PCDH11X: variants seen among roughly 807,000 people sequenced by gnomAD.
The protein encoded by PCDH11X is protocadherin-11 X-linked.
A neutral mutation model predicts 53.3 loss-of-function variants in PCDH11X; 18 were observed. The ratio of observed to expected loss-of-function variants is 0.34; its 90% CI spans 0.23 to 0.50. The LOEUF is 0.50. Ranked by LOEUF, PCDH11X falls within the 20% of genes least tolerant of loss-of-function variation. The probability of loss-of-function intolerance (pLI) is 0.98; values close to 1 mark genes in which losing one functional copy is unlikely to be tolerated. For missense variants in PCDH11X, 570 were observed against 1,032.4 expected (o/e 0.55, Z 6.14); for synonymous variants, 279 against 393.3 (o/e 0.71, Z 3.44).
chrX:91,862,356 A>G (rs1446042365), intron 5 of PCDH11X, among the ~76,000 whole-genome samples: 1 of 94,983 alleles, frequency 1.1e-5, no homozygotes, highest in African/African-American at 3.8e-5. Flanking sequence ...GAATTTCTCT[A>G]TTTTCTTCTA....
At chrX:91,966,776 G>C (rs188791618) in intron 6 of PCDH11X, among the ~76,000 whole-genome samples, 1 of 111,239 alleles carries the variant, frequency 9.0e-6, no homozygotes, top group Non-Finnish European at 1.9e-5. Flanking sequence ...AAAAAGAATA[G>C]TTTGTTGGGT....
chrX:92,350,890 A>T (rs1247855285), intron 8 of PCDH11X, among the ~76,000 whole-genome samples: 3 of 111,404 alleles, frequency 2.7e-5, no homozygotes, highest in Non-Finnish European at 5.6e-5. Flanking sequence ...AAACACATTT[A>T]TTTCACCCAC....
intron 9 of PCDH11X, among the ~76,000 whole-genome samples, chrX:92,391,664 A>AT (rs1332508844): frequency 1.8e-5 from 2 of 111,266 alleles, no homozygotes; most frequent in African/African-American, 3.2e-5. Context: ...AACTTCTGAG[A>AT]TTTTTTAATA....
chrX:92,007,507 T>C (rs1012562005), intron 6 of PCDH11X, among the ~76,000 whole-genome samples: 1 of 111,340 alleles, frequency 9.0e-6, no homozygotes, highest in African/African-American at 3.3e-5. Context: ...TTCAGGGCAA[T>C]GGCCTCTCCT....
chrX:92,269,717 T>C (rs73532121), intron 8 of PCDH11X, among the ~76,000 whole-genome samples: 7,743 of 111,160 alleles, frequency 0.07, 469 homozygotes, highest in East Asian at 0.27. Flanking sequence ...TAAAAAAATA[T>C]ATAAAATAAA....
intron 10 of PCDH11X, among the ~76,000 whole-genome samples, chrX:92,469,676 T>G (rs1027148831): frequency 8.9e-6 from 1 of 111,826 alleles, no homozygotes. Flanking sequence ...TTCCCTAATG[T>G]ATATTCTTGG....
At chrX:91,906,779 A>C (rs762241299) in intron 6 of PCDH11X, among the ~76,000 whole-genome samples, 108 of 111,671 alleles carry the variant, frequency 9.7e-4, no homozygotes, top group African/African-American at 3.3e-3. Context: ...AGGAAAATTA[A>C]TTACTTAATT....
chrX:92,563,449 A>T (rs1921061192), intron 10 of PCDH11X, among the ~76,000 whole-genome samples: 1 of 108,603 alleles, frequency 9.2e-6, no homozygotes, highest in Non-Finnish European at 1.9e-5. Flanking sequence ...TCAATGTAAG[A>T]TTTGGGCCAG....
At chrX:92,165,275 T>C (rs907198410) in intron 6 of PCDH11X, among the ~76,000 whole-genome samples, 2 of 111,950 alleles carry the variant, frequency 1.8e-5, no homozygotes, top group African/African-American at 6.5e-5. Flanking sequence ...AATTTAAAGA[T>C]GCTCTGATAA....
At chrX:92,300,563 C>G (rs1394966783) in intron 8 of PCDH11X, among the ~76,000 whole-genome samples, 1 of 111,112 alleles carries the variant, frequency 9.0e-6, no homozygotes, top group African/African-American at 3.3e-5. Flanking sequence ...CTGCAACCTC[C>G]GCCTCCTGGA....
intron 10 of PCDH11X, among the ~76,000 whole-genome samples, chrX:92,564,056 G>A (rs1397313946): frequency 1.3e-4 from 14 of 108,714 alleles, no homozygotes; most frequent in Middle Eastern, 4.8e-3. Flanking sequence ...TCTAGGAATT[G>A]GCAAAAAAAG....
At chrX:92,415,808 G>A (rs2071796442) in intron 9 of PCDH11X, among the ~76,000 whole-genome samples, 2 of 111,161 alleles carry the variant, frequency 1.8e-5, no homozygotes, top group Non-Finnish European at 3.8e-5. Context: ...CTGAATATAT[G>A]TTTTAACTAC....
intron 8 of PCDH11X, among the ~76,000 whole-genome samples, chrX:92,331,478 G>A (rs751801615): frequency 9.6e-6 from 1 of 104,285 alleles, no homozygotes; most frequent in African/African-American, 3.5e-5. Context: ...TGCTAGCTAT[G>A]GTATACCAAA....
chrX:92,042,275 C>A (rs1459627050), intron 6 of PCDH11X, among the ~76,000 whole-genome samples: 1 of 109,408 alleles, frequency 9.1e-6, no homozygotes, highest in Non-Finnish European at 1.9e-5. Context: ...GGTGAACAAT[C>A]AGAAATCCTT....
intron 10 of PCDH11X, among the ~76,000 whole-genome samples, chrX:92,498,557 G>GAA (rs1410273278): frequency 9.1e-6 from 1 of 110,293 alleles, no homozygotes; most frequent in Non-Finnish European, 1.9e-5. Flanking sequence ...ACAAAAGAAT[G>GAA]AAACTTTAAG....
chrX:92,412,552 T>TATATATAG (rs1556412541), intron 9 of PCDH11X, among the ~76,000 whole-genome samples: 6 of 85,798 alleles, frequency 7.0e-5, no homozygotes, highest in Non-Finnish European at 9.3e-5. Context: ...TATATATATA[T>TATATATAG]ATAGATAAAG....
chrX:91,854,826 A>AT (rs1938235558), intron 5 of PCDH11X, among the ~76,000 whole-genome samples: 2 of 111,545 alleles, frequency 1.8e-5, no homozygotes, highest in African/African-American at 6.5e-5. Context: ...TCTTTTGCCC[A>AT]TTTTTTATTA....
At chrX:92,577,705 G>A (rs1201454815) in intron 10 of PCDH11X, among the ~76,000 whole-genome samples, 2 of 110,966 alleles carry the variant, frequency 1.8e-5, no homozygotes, top group Admixed American at 1.9e-4. Context: ...TCTTAACATT[G>A]CTTTACCTAT....
intron 10 of PCDH11X, among the ~76,000 whole-genome samples, chrX:92,481,310 C>A (rs2073500273): frequency 9.2e-6 from 1 of 108,620 alleles, no homozygotes; most frequent in African/African-American, 3.4e-5. Flanking sequence ...CCCACACACA[C>A]ACACCCCACA....
Sources: gnomAD v4.1 joint callset for allele counts (sites outside exome capture counted in the v4.1 genomes callset) on GRCh38, gnomAD v4.1.1 for gene constraint, MANE v1.5 for transcripts, NCBI Gene and HGNC (gene_info 2026-07-23, HGNC 2026-07-21) for gene names.